The following GRM8 variants were observed in gnomAD, a reference collection of about 807,000 sequenced individuals.
The protein encoded by GRM8 is metabotropic glutamate receptor 8.
In GRM8, 47 loss-of-function variants were observed where a neutral mutation model predicts 87.2. The ratio of observed to expected loss-of-function variants is 0.54; its 90% confidence interval spans 0.43 to 0.69. GRM8 has a LOEUF of 0.69. Among genes scored for constraint, GRM8 ranks in the 30% least tolerant of loss-of-function variants. The probability of loss-of-function intolerance (pLI) is 0.00; values close to 1 mark genes in which losing one functional copy is unlikely to be tolerated. For missense variants in GRM8, 1,019 were observed against 1,139.2 expected, an observed-to-expected ratio of 0.89 and a Z score of 1.52; for synonymous variants, 396 against 404.5, an observed-to-expected ratio of 0.98 and a Z score of 0.25.
intron 3 of GRM8, among the ~76,000 whole-genome samples, chr7:127,015,443 A>G (rs1288759594): frequency 6.6e-6 from 1 of 152,106 alleles, no homozygotes; most frequent in Non-Finnish European, 1.5e-5. Context: ...CGGAGGTTCA[A>G]GTAGGAAGAG....
chr7:126,755,950 ATTC>A (rs1203952250), intron 7 of GRM8, among the ~76,000 whole-genome samples: 1 of 152,016 alleles, frequency 6.6e-6, no homozygotes, highest in Non-Finnish European at 1.5e-5. Context: ...TCCATGGGTA[ATTC>A]TTCAATTCAA....
At chr7:126,834,884 G>A (rs1454718490) in intron 6 of GRM8, among the ~76,000 whole-genome samples, 1 of 152,012 alleles carries the variant, frequency 6.6e-6, no homozygotes, top group African/African-American at 2.4e-5. Context: ...GATTGCTTGA[G>A]CTTAGGAGTT....
intron 6 of GRM8, among the ~76,000 whole-genome samples, chr7:126,783,282 A>G (rs1820284623): frequency 6.6e-6 from 1 of 152,192 alleles, no homozygotes; most frequent in Non-Finnish European, 1.5e-5. Context: ...TTAGGTTAAT[A>G]TCAATGTTGT....
chr7:127,036,625 T>C (rs1817872859), intron 3 of GRM8, among the ~76,000 whole-genome samples: 1 of 152,172 alleles, frequency 6.6e-6, no homozygotes, highest in Admixed American at 6.5e-5. Flanking sequence ...GTTGCTACTT[T>C]GAAAGTTGCC....
chr7:127,025,387 G>A (rs868819571), intron 3 of GRM8, among the ~76,000 whole-genome samples: 1 of 152,060 alleles, frequency 6.6e-6, no homozygotes, highest in Non-Finnish European at 1.5e-5. Flanking sequence ...CATGAAGGAA[G>A]AGACTCTTTA....
At position 126,546,270 on chromosome 7, in the gene GRM8, T is replaced by C. The variant is rs1817145951; in HGVS notation, c.1495-12383A>G. 3.9e-5 allele frequency among the ~76,000 whole-genome samples: 6 copies of C among 152,326 alleles called. No individual in the cohort carries two copies. In the South Asian group the frequency reaches 1.2e-3, roughly 32 times the overall value. ...AAGAAATACAGAACAGTAGTTGATA[T>C]GCATCACATCACACAGCTATTAAAT... On this transcript the variant is annotated intron_variant, in intron 8 of 10. Transcript: ENST00000339582.
chr7:127,044,074 T>A (rs1818697935), intron 3 of GRM8, among the ~76,000 whole-genome samples: 1 of 152,148 alleles, frequency 6.6e-6, no homozygotes, highest in African/African-American at 2.4e-5. Flanking sequence ...AGGAAGGGGT[T>A]CCCCCAGCAG....
chr7:126,673,940 T>TC (rs1806667201), intron 7 of GRM8, among the ~76,000 whole-genome samples: 1 of 152,190 alleles, frequency 6.6e-6, no homozygotes, highest in Non-Finnish European at 1.5e-5. Flanking sequence ...TCTTCACTGA[T>TC]ACTGCACACT....
At chr7:127,008,787 A>G (rs897027549) in intron 3 of GRM8, among the ~76,000 whole-genome samples, 1 of 152,112 alleles carries the variant, frequency 6.6e-6, no homozygotes, top group African/African-American at 2.4e-5. Context: ...TATATTCTAT[A>G]TAGTTGAAGG....
chr7:126,924,490 T>C (rs1245130073), intron 3 of GRM8, among the ~76,000 whole-genome samples: 1 of 152,196 alleles, frequency 6.6e-6, no homozygotes, highest in Admixed American at 6.5e-5. Flanking sequence ...GGTTGGCACA[T>C]TGTCTTCTAG....
chr7:127,147,684 C>T (rs909446833), intron 2 of GRM8, among the ~76,000 whole-genome samples: 32 of 152,012 alleles, frequency 2.1e-4, no homozygotes, highest in African/African-American at 6.8e-4. Flanking sequence ...TCAGAATTAA[C>T]CAATGTAACT....
chr7:126,466,271 T>G (rs1476799093), intron 9 of GRM8, among the ~76,000 whole-genome samples: 1 of 151,880 alleles, frequency 6.6e-6, no homozygotes, highest in Non-Finnish European at 1.5e-5. Flanking sequence ...ATTAATAGGA[T>G]ATAAGAGAGA....
intron 7 of GRM8, among the ~76,000 whole-genome samples, chr7:126,616,401 G>T (rs545174577): frequency 0.026 from 3,936 of 152,080 alleles, 161 homozygotes; most frequent in African/African-American, 0.09. Context: ...TTTATAGCAC[G>T]AAATGCCCAC....
Position 126,904,128 on chromosome 7 carries a change from T to G in GRM8, c.864-2A>C. On this transcript the variant is annotated splice_acceptor_variant, in intron 4 of 10. Coordinates refer to ENST00000339582, the MANE Select transcript of GRM8 (RefSeq NM_000845.3). LOFTEE classifies it high-confidence loss of function. ...TTTTTTGCTGCTTCCAATATCCTCC[T>G]ACAGGAATAAAAATAAATAATGCAT... is the stretch of plus-strand genomic sequence containing the variant. 1.2e-6 allele frequency: 2 copies of G among 1,605,616 alleles called. No homozygotes were observed. Among genetic ancestry groups the G allele is most frequent in the Non-Finnish European group, 1.7e-6 (2 of 1,174,212 alleles).
At chr7:126,965,099 G>A (rs950225914) in intron 3 of GRM8, among the ~76,000 whole-genome samples, 16 of 152,160 alleles carry the variant, frequency 1.1e-4, no homozygotes, top group African/African-American at 3.6e-4. Flanking sequence ...ATAAATGGGA[G>A]TAGAACAATG....
chr7:126,955,539 G>A (rs1808588629), intron 3 of GRM8, among the ~76,000 whole-genome samples: 1 of 152,196 alleles, frequency 6.6e-6, no homozygotes, highest in African/African-American at 2.4e-5. Context: ...TCTTTTGCAG[G>A]AGCAAGGGTC....
At chr7:126,835,781 A>T (rs932232281) in intron 6 of GRM8, among the ~76,000 whole-genome samples, 2 of 152,212 alleles carry the variant, frequency 1.3e-5, no homozygotes, top group Non-Finnish European at 2.9e-5. Flanking sequence ...TCTCTCAAAA[A>T]CTTTAGAAAA....
At chr7:127,026,227 T>G (rs1816763140) in intron 3 of GRM8, among the ~76,000 whole-genome samples, 1 of 152,220 alleles carries the variant, frequency 6.6e-6, no homozygotes, top group African/African-American at 2.4e-5. Context: ...ATGTGCCACA[T>G]TTTCTTTATC....
intron 7 of GRM8, among the ~76,000 whole-genome samples, chr7:126,747,643 A>G (rs372153958): frequency 5.9e-5 from 9 of 152,032 alleles, no homozygotes; most frequent in Admixed American, 2.6e-4. Flanking sequence ...ATTACTAACA[A>G]AAATATATAC....
Sources: allele counts gnomAD v4.1 joint callset (sites outside exome capture counted in the v4.1 genomes callset), GRCh38; gene constraint gnomAD v4.1.1; transcripts MANE v1.5; gene names NCBI Gene and HGNC (gene_info 2026-07-23, HGNC 2026-07-21).